PRELID2: variants seen among roughly 807,000 people sequenced by gnomAD.
PRELID2 encodes PRELI domain-containing protein 2.
Under a neutral mutation model 28.4 loss-of-function variants are expected in PRELID2, and 25 were observed. That is an observed-to-expected ratio of 0.88 (90% confidence interval 0.64 to 1.23). The LOEUF is 1.23. Among genes scored for constraint, PRELID2 ranks in the 50% most tolerant of loss-of-function variants. The pLI is 0.00. For missense variants in PRELID2, 201 were observed against 214.4 expected (o/e 0.94, Z 0.39); for synonymous variants, 76 against 71.6 (o/e 1.06, Z -0.31).
chr5:145,410,064 G>A, the PRELID2 span, among the ~76,000 whole-genome samples: 1 of 152,124 alleles, frequency 6.6e-6, no homozygotes, highest in Admixed American at 6.6e-5. Context: ...GTGGCAAAAA[G>A]ACACCCTATT....
intron 1 of PRELID2, among the ~76,000 whole-genome samples, chr5:145,646,336 C>T (rs1213673711): frequency 6.6e-6 from 1 of 152,110 alleles, no homozygotes; most frequent in Non-Finnish European, 1.5e-5. Context: ...GCTATTGATA[C>T]TTGTGTATGC....
the PRELID2 span, among the ~76,000 whole-genome samples, chr5:145,347,223 G>A: frequency 6.6e-6 from 1 of 152,154 alleles, no homozygotes; most frequent in South Asian, 2.1e-4. Flanking sequence ...CTAGATCTGT[G>A]TCTATGGCCA....
chr5:145,807,716 G>A (rs905306537), intron 4 of PRELID2, among the ~76,000 whole-genome samples: 7 of 151,710 alleles, frequency 4.6e-5, no homozygotes, highest in African/African-American at 7.3e-5. Context: ...ACAACCCCCC[G>A]ACCCTGCCAT....
chr5:145,233,926 G>T, the PRELID2 span, among the ~76,000 whole-genome samples: 1 of 152,262 alleles, frequency 6.6e-6, no homozygotes, highest in Non-Finnish European at 1.5e-5. Context: ...AATAGGACAG[G>T]GGTAGGGGAA....
chr5:145,666,338 G>A (rs2149680286), intron 1 of PRELID2, among the ~76,000 whole-genome samples: 2 of 152,154 alleles, frequency 1.3e-5, no homozygotes, highest in East Asian at 1.9e-4. Flanking sequence ...CTCAAGATAT[G>A]GGTCAGCCTC....
chr5:145,504,272 A>G (rs1293745126), intron 1 of PRELID2, among the ~76,000 whole-genome samples: 7 of 152,198 alleles, frequency 4.6e-5, no homozygotes, highest in Admixed American at 3.9e-4. Flanking sequence ...AAATGGAGGT[A>G]ATAGAACCCA....
At chr5:145,405,698 A>AGTT in the PRELID2 span, among the ~76,000 whole-genome samples, 1 of 111,348 alleles carries the variant, frequency 9.0e-6, no homozygotes, top group Non-Finnish European at 1.8e-5. Flanking sequence ...GGTACCACAT[A>AGTT]GTTGTTTTTT....
chr5:145,768,223 C>CA lies in PRELID2; in HGVS notation c.475-3224dup, dbSNP rs35135521. ...CTGGTGACAGAGCGAGACTCTGTCT[C>CA]AAAAAAAAAAAAAAAAAAAAAAGAA... On this transcript the variant is annotated intron_variant, in intron 5 of 6. Coordinates refer to ENST00000683046, the MANE Select transcript of PRELID2 (RefSeq NM_205846.3). Among the ~76,000 whole-genome samples the CA allele has an allele frequency of 9.5e-3, 766 of 80,696 alleles. 15 individuals carry two copies. Among genetic ancestry groups the CA allele is most frequent in the African/African-American group, 0.03 (670 of 22,146 alleles). 52.9% of individuals were successfully genotyped at this position (80,696 alleles called of 152,430 possible).
the PRELID2 span, among the ~76,000 whole-genome samples, chr5:145,262,846 C>T: frequency 3.6e-4 from 54 of 151,986 alleles, no homozygotes; most frequent in African/African-American, 9.6e-4. Flanking sequence ...CATCTCAATA[C>T]GAACATTGAA....
intron 1 of PRELID2, among the ~76,000 whole-genome samples, chr5:145,692,139 C>T (rs1386528611): frequency 6.6e-6 from 1 of 152,146 alleles, no homozygotes; most frequent in Non-Finnish European, 1.5e-5. Flanking sequence ...CTCATATTTT[C>T]ACAATGCCAC....
chr5:145,254,356 T>A, the PRELID2 span, among the ~76,000 whole-genome samples: 1 of 152,038 alleles, frequency 6.6e-6, no homozygotes, highest in East Asian at 1.9e-4. Flanking sequence ...CTGAGGGATT[T>A]AAAAAAACAA....
intron 1 of PRELID2, among the ~76,000 whole-genome samples, chr5:145,713,241 T>C (rs1301187642): frequency 6.6e-6 from 1 of 150,658 alleles, no homozygotes; most frequent in Non-Finnish European, 1.5e-5. Context: ...CACATTATAG[T>C]TAAACTACTA....
chr5:145,626,286 C>T (rs1029290621), intron 1 of PRELID2, among the ~76,000 whole-genome samples: 3 of 152,066 alleles, frequency 2.0e-5, no homozygotes, highest in African/African-American at 7.2e-5. Flanking sequence ...ATGCTTGTAA[C>T]AAAGGGCTAG....
chr5:145,434,611 C>T, the PRELID2 span, among the ~76,000 whole-genome samples: 1 of 151,988 alleles, frequency 6.6e-6, no homozygotes, highest in South Asian at 2.1e-4. Context: ...GGGCCCAAGG[C>T]CATATAGCAA....
At chr5:145,297,242 G>C in the PRELID2 span, among the ~76,000 whole-genome samples, 1 of 151,862 alleles carries the variant, frequency 6.6e-6, no homozygotes, top group Non-Finnish European at 1.5e-5. Flanking sequence ...ATTGCTTTTG[G>C]TGTTTTAGAC....
At chr5:145,372,077 G>C in the PRELID2 span, among the ~76,000 whole-genome samples, 1 of 151,858 alleles carries the variant, frequency 6.6e-6, no homozygotes, top group African/African-American at 2.4e-5. Flanking sequence ...TCTCATTTGG[G>C]CATTTAGTGC....
chr5:145,789,949 C>T (rs940879962), intron 5 of PRELID2, among the ~76,000 whole-genome samples: 2 of 152,130 alleles, frequency 1.3e-5, no homozygotes, highest in African/African-American at 4.8e-5. Flanking sequence ...AATGAGATAT[C>T]ACCTCATACT....
intron 1 of PRELID2, among the ~76,000 whole-genome samples, chr5:145,708,141 G>A (rs1327191594): frequency 1.3e-5 from 2 of 152,038 alleles, no homozygotes; most frequent in Admixed American, 6.6e-5. Context: ...GAGAGAACAG[G>A]CCCGCTCTTC....
chr5:145,795,528 AG>A (rs1398953753), intron 5 of PRELID2: 1 of 152,134 alleles, frequency 6.6e-6, no homozygotes, highest in Non-Finnish European at 1.5e-5. Context: ...AATGAAAACA[AG>A]GGTCCATTGC....
Sources: gnomAD v4.1 joint callset for allele counts (sites outside exome capture counted in the v4.1 genomes callset) on GRCh38, gnomAD v4.1.1 for gene constraint, MANE v1.5 for transcripts, NCBI Gene and HGNC (gene_info 2026-07-23, HGNC 2026-07-21) for gene names.